The following PTPRN2 variants were observed in gnomAD, a reference collection of about 807,000 sequenced individuals.
PTPRN2 encodes receptor-type tyrosine-protein phosphatase N2.
PTPRN2 carries 74 observed loss-of-function variants against 118.8 expected under a neutral mutation model. The observed-to-expected ratio is 0.62, with a 90% CI of 0.52 to 0.76. The LOEUF (loss-of-function observed/expected upper bound fraction) is 0.76. Among genes scored for constraint, PTPRN2 ranks in the 30% least tolerant of loss-of-function variants. The pLI is 0.00. For synonymous variants in PTPRN2, 641 were observed against 608.0 expected (o/e 1.05, Z -0.80); for missense variants, 1,481 against 1,394.4 (o/e 1.06, Z -0.99).
intron 2 of PTPRN2, among the ~76,000 whole-genome samples, chr7:158,478,070 G>A (rs2129444715): frequency 6.6e-6 from 1 of 152,354 alleles, no homozygotes; most frequent in East Asian, 1.9e-4. Context: ...GCCAAGGGGT[G>A]GTAGGCAGGC....
At chr7:158,462,294 C>T (rs1175144102) in intron 2 of PTPRN2, among the ~76,000 whole-genome samples, 1 of 152,218 alleles carries the variant, frequency 6.6e-6, no homozygotes, top group East Asian at 1.9e-4. Context: ...TCCTGACCAC[C>T]TCCCTCCCAG....
At chr7:157,982,217 ATG>A (rs1803273747) in intron 11 of PTPRN2, among the ~76,000 whole-genome samples, 8 of 135,272 alleles carry the variant, frequency 5.9e-5, no homozygotes, top group Non-Finnish European at 8.1e-5. Context: ...AGTCACAGAG[ATG>A]AGGAGGGGAA....
At chr7:157,695,048 G>A (rs1372057434) in intron 12 of PTPRN2, among the ~76,000 whole-genome samples, 1 of 152,072 alleles carries the variant, frequency 6.6e-6, no homozygotes, top group Admixed American at 6.5e-5. Context: ...TGTTGATCCT[G>A]CCAATACTTC....
chr7:157,563,523 A>ACATG (rs1799322367), intron 21 of PTPRN2, among the ~76,000 whole-genome samples: 1 of 116,966 alleles, frequency 8.5e-6, no homozygotes, highest in Non-Finnish European at 1.7e-5. Context: ...ATCACCACAC[A>ACATG]CAGCAGATCA....
At chr7:158,327,601 ACACT>A (rs796470890) in intron 2 of PTPRN2, among the ~76,000 whole-genome samples, 8 of 152,226 alleles carry the variant, frequency 5.3e-5, no homozygotes, top group African/African-American at 1.9e-4. Context: ...CTCACTACTC[ACACT>A]CAGAATAGCA....
At chr7:157,759,260 G>C (rs1403770064) in intron 12 of PTPRN2, among the ~76,000 whole-genome samples, 1 of 152,218 alleles carries the variant, frequency 6.6e-6, no homozygotes, top group Admixed American at 6.5e-5. Context: ...CCCAAATCCT[G>C]TCAATGCAGC....
chr7:157,838,947 G>C (rs1442536324), intron 12 of PTPRN2, among the ~76,000 whole-genome samples: 2 of 137,586 alleles, frequency 1.5e-5, no homozygotes, highest in African/African-American at 6.2e-5. Context: ...CTCCACTGTG[G>C]CTACTCCAGT....
chr7:157,565,380 A>G (rs905462806), intron 21 of PTPRN2, among the ~76,000 whole-genome samples: 1 of 152,260 alleles, frequency 6.6e-6, no homozygotes, highest in African/African-American at 2.4e-5. Context: ...CTCCTGCCAG[A>G]CAAAAGAAAT....
chr7:157,994,721 C>T (rs1411811061), intron 11 of PTPRN2, among the ~76,000 whole-genome samples: 15 of 51,730 alleles, frequency 2.9e-4, no homozygotes, highest in African/African-American at 1.3e-3. Context: ...AAATCAACGC[C>T]GTGTCCCCAG....
chr7:158,503,207 A>G (rs562388238), intron 1 of PTPRN2, among the ~76,000 whole-genome samples: 14 of 152,158 alleles, frequency 9.2e-5, no homozygotes, highest in Middle Eastern at 3.4e-3. Flanking sequence ...CACTGTGTCC[A>G]TATGACTTTC....
intron 10 of PTPRN2, among the ~76,000 whole-genome samples, chr7:158,086,368 T>C (rs1206312268): frequency 6.6e-6 from 1 of 152,162 alleles, no homozygotes; most frequent in East Asian, 1.9e-4. Flanking sequence ...TGCCTTTTCC[T>C]CCTTAAACCC....
chr7:158,569,689 G>GAGGCCGCCTGACAGGAACGCGGGGCGCA (rs1827874471), intron 1 of PTPRN2, among the ~76,000 whole-genome samples: 1 of 149,528 alleles, frequency 6.7e-6, no homozygotes, highest in African/African-American at 2.5e-5. Flanking sequence ...CGCGGGGCGC[G>GAGGCCGCCTGACAGGAACGCGGGGCGCA]AGGCCGCCTG....
chr7:157,981,344 A>G (rs143427103), intron 11 of PTPRN2, among the ~76,000 whole-genome samples: 144 of 122,862 alleles, frequency 1.2e-3, no homozygotes, highest in East Asian at 4.2e-3. Context: ...CTGCTATTCC[A>G]GGACAGGTGA....
rs1178695970 is a variant in PTPRN2, at chr7:158,526,751, C to G, written c.113-36966G>C. On this transcript the variant is annotated intron_variant, in intron 1 of 22. Transcript: ENST00000389418. This position sits in a 1 kb window ranked among gnomAD's most constrained non-coding sequence, Gnocchi z 5.2. Reference sequence around the variant, plus strand: ...ACACAGACACGCACAGATGGACAACCCTGTGGGGCACAGGGAGGAGACGGC... The same window carrying G: ...ACACAGACACGCACAGATGGACAACGCTGTGGGGCACAGGGAGGAGACGGC... Among the ~76,000 whole-genome samples, 2 of 152,022 alleles carry G rather than the reference C, an allele frequency of 1.3e-5. No individual in the cohort carries two copies. Among genetic ancestry groups the G allele is most frequent in the Admixed American group, 6.6e-5 (1 of 15,266 alleles).
At chr7:158,204,011 C>G (rs1158409149) in intron 4 of PTPRN2, among the ~76,000 whole-genome samples, 1 of 150,860 alleles carries the variant, frequency 6.6e-6, no homozygotes, top group East Asian at 2.0e-4. Context: ...GGGAAAGACG[C>G]AGCCCCTGCC....
At chr7:158,012,185 T>C (rs1032040763) in intron 11 of PTPRN2, among the ~76,000 whole-genome samples, 1 of 152,200 alleles carries the variant, frequency 6.6e-6, no homozygotes, top group Admixed American at 6.5e-5. Context: ...CTGTTCTTAG[T>C]GTCTGACACG....
At chr7:157,576,439 T>C (rs1445170910) in intron 19 of PTPRN2, among the ~76,000 whole-genome samples, 174 bp downstream of exon 19, 1 of 152,214 alleles carries the variant, frequency 6.6e-6, no homozygotes, top group Admixed American at 6.5e-5. Context: ...CGCTCACGAT[T>C]AACACGTGCC....
intron 12 of PTPRN2, among the ~76,000 whole-genome samples, chr7:157,791,553 GC>G (rs1304262408): frequency 7.1e-5 from 9 of 125,888 alleles, no homozygotes; most frequent in South Asian, 2.5e-4. Context: ...GCACCCACCT[GC>G]CCCCCCTCCC....
At chr7:158,193,570 C>T (rs1825951948) in intron 4 of PTPRN2, among the ~76,000 whole-genome samples, 1 of 152,108 alleles carries the variant, frequency 6.6e-6, no homozygotes, top group South Asian at 2.1e-4. Context: ...CCCTGTCCCC[C>T]TTTACCCTCA....
Sources: allele counts gnomAD v4.1 joint callset (sites outside exome capture counted in the v4.1 genomes callset), GRCh38; gene constraint gnomAD v4.1.1; non-coding constraint Gnocchi (gnomAD v3.1); transcripts MANE v1.5; gene names NCBI Gene and HGNC (gene_info 2026-07-23, HGNC 2026-07-21).